ALMS1: variants seen among roughly 807,000 people sequenced by gnomAD.
ALMS1 encodes the protein ALMS1 centrosome and basal body associated protein, also known as centrosome-associated protein ALMS1.
A neutral mutation model predicts 352.2 loss-of-function variants in ALMS1; 271 were observed. That is an observed-to-expected ratio of 0.77 (90% CI 0.70 to 0.85). ALMS1 has a LOEUF of 0.85. Ranked by LOEUF, ALMS1 falls within the 40% of genes least tolerant of loss-of-function variation. The pLI is 0.00. For synonymous variants in ALMS1, 1,865 were observed against 1,761.2 expected, an observed-to-expected ratio of 1.06 and a Z score of -1.48; for missense variants, 5,445 against 4,870.7, an observed-to-expected ratio of 1.12 and a Z score of -3.51.
chr2:73,424,937 C>G (rs1165038421), intron 5 of ALMS1, 35 bp downstream of exon 5: 3 of 1,508,134 alleles, frequency 2.0e-6, no homozygotes, highest in African/African-American at 2.8e-5. Context: ...ATTCATCTGA[C>G]ACAATTGATA....
At chr2:73,463,089 G>C (rs187858990) in intron 9 of ALMS1, among the ~76,000 whole-genome samples, 3 of 152,262 alleles carry the variant, frequency 2.0e-5, no homozygotes, top group East Asian at 1.9e-4. Flanking sequence ...ATTGAATTCA[G>C]CTCTGCACCA....
chr2:73,426,393 T>C, intron 5 of ALMS1, 60 bp from the exon 6 acceptor site: 1 of 1,551,860 alleles, frequency 6.4e-7, no homozygotes, highest in South Asian at 1.1e-5. Flanking sequence ...CCTTCGTGTG[T>C]GGGAGCTGAG....
At chr2:73,482,459 G>T (rs1672731503) in intron 9 of ALMS1, among the ~76,000 whole-genome samples, 1 of 152,214 alleles carries the variant, frequency 6.6e-6, no homozygotes, top group Admixed American at 6.5e-5. Flanking sequence ...GCTTTTCGGT[G>T]TGCTGCTGGA....
chr2:73,470,836 T>C (rs1315707919), intron 9 of ALMS1: 1 of 151,846 alleles, frequency 6.6e-6, no homozygotes, highest in Non-Finnish European at 1.5e-5. Context: ...ATGAATTGAC[T>C]CTTTTATCAT....
At chr2:73,414,475 T>A (rs1479148926) in intron 2 of ALMS1, among the ~76,000 whole-genome samples, 1 of 73,988 alleles carries the variant, frequency 1.4e-5, no homozygotes, top group African/African-American at 8.4e-5. Context: ...TTTTTTCCGT[T>A]TTTTTTTTTT....
chr2:73,448,078 G>A lies in ALMS1; in HGVS notation c.1551G>A (p.Leu517=). 1.2e-6 allele frequency: 2 copies of A among 1,606,836 alleles called. No homozygotes were observed. Among genetic ancestry groups the A allele is most frequent in the Non-Finnish European group, 1.7e-6 (2 of 1,178,578 alleles). Residue 517 remains leucine, a synonymous_variant, in exon 8 of 23, where the codon CTG becomes CTA. Transcript: ENST00000613296. ...GSHLSLSLED[L]SQLAVSSPLE... is the part of the protein sequence containing the mutation. ...ATTTATCCTTGTCCCTTGAGGACCTGTCTCAGTTGGCTGTAAGTTCTCCTC... is the reference window on the plus strand; with the variant it reads ...ATTTATCCTTGTCCCTTGAGGACCTATCTCAGTTGGCTGTAAGTTCTCCTC...
At chr2:73,581,152 G>T (rs1424708113) in intron 16 of ALMS1, among the ~76,000 whole-genome samples, 1 of 152,176 alleles carries the variant, frequency 6.6e-6, no homozygotes, top group Non-Finnish European at 1.5e-5. Context: ...AAGATTCTCA[G>T]TTTTTCTTTC....
At chr2:73,398,461 G>T (rs1405885370) in intron 1 of ALMS1, among the ~76,000 whole-genome samples, 1 of 152,084 alleles carries the variant, frequency 6.6e-6, no homozygotes, top group African/African-American at 2.4e-5. Flanking sequence ...ACTTTAGATT[G>T]AATTCATTGA....
intron 21 of ALMS1, among the ~76,000 whole-genome samples, chr2:73,607,475 T>TG (rs1245965752): frequency 6.6e-6 from 1 of 152,092 alleles, no homozygotes; most frequent in African/African-American, 2.4e-5. Flanking sequence ...AGATCCTCTC[T>TG]GCAGCCCACC....
intron 10 of ALMS1, among the ~76,000 whole-genome samples, chr2:73,503,683 C>A (rs917269444): frequency 6.6e-6 from 1 of 152,144 alleles, no homozygotes; most frequent in Non-Finnish European, 1.5e-5. Flanking sequence ...CACTGACTTC[C>A]ACAATGGTTG....
chr2:73,479,143 A>AT (rs1193645589), intron 9 of ALMS1, among the ~76,000 whole-genome samples: 3 of 151,998 alleles, frequency 2.0e-5, no homozygotes, highest in African/African-American at 2.4e-5. Context: ...GTGGTATTTA[A>AT]TTTTTTTTAA....
At chr2:73,402,012 C>T (rs1285666458) in intron 1 of ALMS1, among the ~76,000 whole-genome samples, 5 of 149,380 alleles carry the variant, frequency 3.3e-5, no homozygotes, top group Non-Finnish European at 5.9e-5. Context: ...TTCCCCTCCT[C>T]GTGTGTATGT....
intron 16 of ALMS1, among the ~76,000 whole-genome samples, chr2:73,574,113 A>C (rs538399048): frequency 1.3e-5 from 2 of 152,270 alleles, no homozygotes; most frequent in East Asian, 3.9e-4. Context: ...AGAGAACAAA[A>C]TTTTTAGAAA....
intron 9 of ALMS1, among the ~76,000 whole-genome samples, chr2:73,457,769 A>G (rs1471853203): frequency 6.6e-6 from 1 of 151,994 alleles, no homozygotes; most frequent in Non-Finnish European, 1.5e-5. Flanking sequence ...GCGGTGGCTC[A>G]TGCCTGTAAT....
intron 15 of ALMS1, among the ~76,000 whole-genome samples, chr2:73,560,753 C>G (rs1384373725): frequency 3.3e-5 from 5 of 152,172 alleles, no homozygotes; most frequent in Non-Finnish European, 7.3e-5. Context: ...AGAAGGAAAT[C>G]CTATCACATA....
In ALMS1 at chr2:73,521,582, A is replaced by C. The variant is rs1285056030; in HGVS notation, c.9781+1566A>C. Among the ~76,000 whole-genome samples the C allele has an allele frequency of 9.4e-5, 4 of 42,468 alleles. No individual in the cohort carries two copies. The African/African-American group carries it at 4.2e-3, about 44-fold the overall frequency. The allele number at this position is 42,468 out of a possible 152,430, so 27.9% of individuals were successfully genotyped here. On this transcript the variant is annotated intron_variant, in intron 11 of 22. Transcript: ENST00000613296. ...AAACCCCGTCTCTACTAAAAATACA[A>C]AAAAAAAAAAAAAAAAAAATAGCCG...
intron 2 of ALMS1, among the ~76,000 whole-genome samples, chr2:73,418,358 CT>C (rs1333105554): frequency 6.6e-6 from 1 of 152,154 alleles, no homozygotes; most frequent in Non-Finnish European, 1.5e-5. Flanking sequence ...CGTTTAGAAA[CT>C]AGTAGAGCTA....
At chr2:73,498,649 A>G (rs942257472) in intron 10 of ALMS1, among the ~76,000 whole-genome samples, 7 of 152,084 alleles carry the variant, frequency 4.6e-5, no homozygotes, top group African/African-American at 1.4e-4. Flanking sequence ...GATTCCACAA[A>G]TAAGTGACAA....
At chr2:73,400,796 TC>T in intron 1 of ALMS1, among the ~76,000 whole-genome samples, 1 of 152,288 alleles carries the variant, frequency 6.6e-6, no homozygotes, top group African/African-American at 2.4e-5. Flanking sequence ...CTTTCTTTTT[TC>T]TTTTTTTTGA....
Sources: gnomAD v4.1 joint callset for allele counts (sites outside exome capture counted in the v4.1 genomes callset) on GRCh38, gnomAD v4.1.1 for gene constraint, MANE v1.5 for transcripts, NCBI Gene and HGNC (gene_info 2026-07-23, HGNC 2026-07-21) for gene names.